Variants in ABLIM1 observed in about 807,000 individuals in gnomAD.
ABLIM1 encodes actin binding LIM protein 1, also known as actin-binding LIM protein 1.
A neutral mutation model predicts 107.0 loss-of-function variants in ABLIM1; 40 were observed. The observed-to-expected ratio is 0.37, with a 90% CI of 0.29 to 0.49. The LOEUF (loss-of-function observed/expected upper bound fraction) is 0.49, where lower values mean the gene tolerates loss of function less well. Ranked by LOEUF, ABLIM1 falls within the 20% of genes least tolerant of loss-of-function variation. The pLI is 0.97. For missense variants in ABLIM1, 857 were observed against 1,008.5 expected (o/e 0.85, Z 2.04); for synonymous variants, 357 against 357.3 (o/e 1.00, Z 0.01).
intron 1 of ABLIM1, among the ~76,000 whole-genome samples, chr10:114,693,910 G>A (rs1379438508): frequency 2.7e-5 from 4 of 148,338 alleles, no homozygotes; most frequent in South Asian, 2.1e-4. Flanking sequence ...CCATCCTCCC[G>A]CCTTGCCCTC....
chr10:114,454,734 G>A (rs1196269783), intron 12 of ABLIM1, among the ~76,000 whole-genome samples: 2 of 152,072 alleles, frequency 1.3e-5, no homozygotes, highest in African/African-American at 4.8e-5. Context: ...CCTATGTCTG[G>A]GCAAACATCT....
intron 1 of ABLIM1, among the ~76,000 whole-genome samples, chr10:114,731,047 T>C (rs996169579): frequency 3.9e-5 from 6 of 152,202 alleles, no homozygotes; most frequent in African/African-American, 1.4e-4. Flanking sequence ...CCACATTTTG[T>C]TTATCTATTC....
intron 6 of ABLIM1, among the ~76,000 whole-genome samples, chr10:114,543,559 A>G (rs768068576): frequency 2.0e-4 from 31 of 152,300 alleles, no homozygotes; most frequent in Admixed American, 4.6e-4. Context: ...GGTTGTTTCT[A>G]CCTTTCGGCT....
intron 2 of ABLIM1, among the ~76,000 whole-genome samples, chr10:114,582,848 T>G (rs2073560900): frequency 6.6e-6 from 1 of 152,132 alleles, no homozygotes; most frequent in South Asian, 2.1e-4. Context: ...TATCACCATA[T>G]ACAAAAATTA....
intron 7 of ABLIM1, among the ~76,000 whole-genome samples, chr10:114,489,288 A>G (rs2058617464): frequency 6.6e-6 from 1 of 152,200 alleles, no homozygotes; most frequent in African/African-American, 2.4e-5. Flanking sequence ...AAGTGTTGAG[A>G]TTACAGGCGT....
intron 1 of ABLIM1, among the ~76,000 whole-genome samples, chr10:114,651,867 G>A (rs964741693): frequency 1.1e-4 from 16 of 152,124 alleles, no homozygotes; most frequent in African/African-American, 3.4e-4. Flanking sequence ...TCAACAAACC[G>A]GATGAGGCCC....
chr10:114,516,129 G>A (rs1432648273), intron 6 of ABLIM1, among the ~76,000 whole-genome samples: 1 of 151,448 alleles, frequency 6.6e-6, no homozygotes, highest in Non-Finnish European at 1.5e-5. Context: ...GGTGAGCAAG[G>A]TATCAATTTT....
chr10:114,644,242 C>T (rs1266168353), intron 1 of ABLIM1, among the ~76,000 whole-genome samples: 1 of 123,182 alleles, frequency 8.1e-6, no homozygotes, highest in African/African-American at 3.2e-5. Context: ...GATCACACCA[C>T]AGCACTCCAG....
chr10:114,717,936 G>T (rs990241632), intron 1 of ABLIM1, among the ~76,000 whole-genome samples: 3 of 136,368 alleles, frequency 2.2e-5, no homozygotes, highest in Non-Finnish European at 4.8e-5. Context: ...AGGGGGGGAA[G>T]GGGAGGGGAG....
At chr10:114,451,767 G>A in intron 13 of ABLIM1, 96 bp from the exon 14 acceptor site, 1 of 1,042,328 alleles carries the variant, frequency 9.6e-7, no homozygotes, top group African/African-American at 1.6e-5. Flanking sequence ...TGAAGATCTT[G>A]AACAAAAACA....
chr10:114,442,890 G>C (rs139712823), intron 17 of ABLIM1, among the ~76,000 whole-genome samples: 62 of 152,078 alleles, frequency 4.1e-4, no homozygotes, highest in African/African-American at 1.4e-3. Flanking sequence ...CCAGGCTGGA[G>C]TGCAGTGGCG....
At chr10:114,732,341 T>C (rs1460309508) in intron 1 of ABLIM1, among the ~76,000 whole-genome samples, 1 of 152,086 alleles carries the variant, frequency 6.6e-6, no homozygotes, top group Non-Finnish European at 1.5e-5. Flanking sequence ...CATCTTTTCA[T>C]GTGCTAGTTG....
intron 12 of ABLIM1, among the ~76,000 whole-genome samples, chr10:114,465,288 A>AGGGAAACATAATCCAGCTG (rs1184035095): frequency 1.1e-4 from 16 of 152,074 alleles, no homozygotes; most frequent in African/African-American, 3.9e-4. Flanking sequence ...CACCTAGATA[A>AGGGAAACATAATCCAGCTG]GGGAAACATA....
intron 1 of ABLIM1, among the ~76,000 whole-genome samples, chr10:114,648,908 C>T (rs749656898): frequency 2.6e-4 from 40 of 151,906 alleles, no homozygotes; most frequent in Non-Finnish European, 5.9e-4. Flanking sequence ...GGAGAGACTC[C>T]ACAGGAAAGT....
Position 114,441,097 on chromosome 10 carries a change from T to C in ABLIM1, c.1999-20A>G. On this transcript the variant is annotated intron_variant, in intron 18 of 22. Transcript: ENST00000533213. ...AACAGGCTGAAATGAGGAAAAACAATTATTAGGAAATCTCCATAGTGATCG... is the reference window on the plus strand; with the variant it reads ...AACAGGCTGAAATGAGGAAAAACAACTATTAGGAAATCTCCATAGTGATCG... 6.4e-7 allele frequency: 1 copy of C among 1,564,792 alleles called. No homozygotes were observed. Among genetic ancestry groups the C allele is most frequent in the Non-Finnish European group, 8.7e-7 (1 of 1,152,728 alleles).
At chr10:114,560,050 C>T (rs538949531) in intron 4 of ABLIM1, among the ~76,000 whole-genome samples, 1 of 152,288 alleles carries the variant, frequency 6.6e-6, no homozygotes, top group South Asian at 2.1e-4. Context: ...CATTAGTGGG[C>T]ACCAGCCCAG....
intron 1 of ABLIM1, among the ~76,000 whole-genome samples, chr10:114,691,500 A>G (rs114746487): frequency 0.023 from 3,439 of 152,228 alleles, 69 homozygotes; most frequent in Middle Eastern, 0.041. Flanking sequence ...GCTATGTTAG[A>G]GAGGATTAAA....
At chr10:114,644,361 TAC>T (rs57006356) in intron 1 of ABLIM1, among the ~76,000 whole-genome samples, 1 of 137,742 alleles carries the variant, frequency 7.3e-6, no homozygotes, top group Non-Finnish European at 1.5e-5. Context: ...CATATATATA[TAC>T]ACACACACAT....
At position 114,726,780 on chromosome 10, in the gene ABLIM1, C is replaced by CA. The variant is rs565296836; in HGVS notation, c.-213+41280dup. Reference sequence around the variant, plus strand: ...TGGTCAGTAGAGTGAGACTCCGTCTCAAAAAAACACACAAAAAAAGAACAG... The same window carrying CA: ...TGGTCAGTAGAGTGAGACTCCGTCTCAAAAAAAACACACAAAAAAAGAACAG... On this transcript the variant is annotated intron_variant, in intron 1 of 15. Coordinates refer to the ABLIM1 transcript ENST00000651092. Among the ~76,000 whole-genome samples, 99 of 151,956 alleles carry CA rather than the reference C, an allele frequency of 6.5e-4. 3 individuals are homozygous for CA. In the South Asian group the frequency reaches 0.02, roughly 30 times the overall value.
Sources: gnomAD v4.1 joint callset for allele counts (sites outside exome capture counted in the v4.1 genomes callset) on GRCh38, gnomAD v4.1.1 for gene constraint, MANE v1.5 for transcripts, NCBI Gene and HGNC (gene_info 2026-07-23, HGNC 2026-07-21) for gene names.